CLUAP1: variants seen among roughly 807,000 people sequenced by gnomAD.
CLUAP1 encodes clusterin-associated protein 1.
CLUAP1 carries 50 observed loss-of-function variants against 55.0 expected under a neutral mutation model. That is an observed-to-expected ratio of 0.91 (90% CI 0.72 to 1.15). CLUAP1 has a LOEUF of 1.15. Among genes scored for constraint, CLUAP1 ranks in the 50% most tolerant of loss-of-function variants. The pLI is 0.00. For synonymous variants in CLUAP1, 195 were observed against 175.4 expected, an observed-to-expected ratio of 1.11 and a Z score of -0.88; for missense variants, 530 against 507.6, an observed-to-expected ratio of 1.04 and a Z score of -0.42.
intron 11 of CLUAP1, chr16:3,534,027 C>CA: frequency 6.6e-6 from 1 of 152,272 alleles, no homozygotes; most frequent in Non-Finnish European, 1.5e-5. Context: ...CCTCCAGGCA[C>CA]AGGGTTCCAT....
At chr16:3,518,134 T>G (rs922025697) in intron 6 of CLUAP1, among the ~76,000 whole-genome samples, 14 of 152,326 alleles carry the variant, frequency 9.2e-5, no homozygotes, top group Non-Finnish European at 1.9e-4. Context: ...GGTCAGCAAC[T>G]TACTGTCACC....
Position 3,529,770 on chromosome 16 carries a change from T to TAA in CLUAP1, c.929-798_929-797insAA, listed in dbSNP as rs2038064849. On this transcript the variant is annotated intron_variant, in intron 9 of 11. Coordinates refer to ENST00000576634, the MANE Select transcript of CLUAP1 (RefSeq NM_015041.3). ...TATATATTATATAATATATATTATA[T>TAA]TATTATATATTATATAATATATATT... Among the ~76,000 whole-genome samples the TAA allele has an allele frequency of 2.1e-4, 11 of 53,522 alleles. 1 individual carries two copies. The highest frequency in any genetic ancestry group is 9.6e-4 in the African/African-American group (11 of 11,440). The allele number at this position is 53,522 out of a possible 152,430, so 35.1% of individuals were successfully genotyped here.
upstream of CLUAP1, among the ~76,000 whole-genome samples, chr16:3,499,976 A>T (rs550164745): frequency 6.6e-6 from 1 of 152,318 alleles, no homozygotes; most frequent in East Asian, 1.9e-4. Flanking sequence ...CTTTAACCCA[A>T]AGAAATGCAT....
In CLUAP1 at chr16:3,526,444, C is replaced by T; in HGVS notation, c.888C>T (p.Asn296=). 2 of 1,608,996 alleles carry T rather than the reference C, an allele frequency of 1.2e-6. No homozygotes were observed. Among genetic ancestry groups the T allele is most frequent in the East Asian group, 2.2e-5 (1 of 44,678 alleles). Residue 296 remains asparagine, a synonymous_variant, in exon 9 of 12, where the codon AAC becomes AAT. Coordinates refer to ENST00000576634, the MANE Select transcript of CLUAP1 (RefSeq NM_015041.3). ...EAKNTLCLIQ[N]KLKEEEKRLL... Reference sequence around the variant, plus strand: ...AAAACACTCTCTGCCTGATACAGAACAAGCTCAAGGAGGAAGAGAAGCGCC... The same window carrying T: ...AAAACACTCTCTGCCTGATACAGAATAAGCTCAAGGAGGAAGAGAAGCGCC...
chr16:3,499,866 C>A (rs373278205), upstream of CLUAP1, among the ~76,000 whole-genome samples: 1 of 152,302 alleles, frequency 6.6e-6, no homozygotes, highest in Non-Finnish European at 1.5e-5. Context: ...GTAATCAATG[C>A]GAACTTAGAG....
rs78116047 is a variant in CLUAP1 at position 3,502,527 on chromosome 16, C to T, written c.22+1438C>T. On this transcript the variant is annotated intron_variant, in intron 1 of 11. Transcript: ENST00000576634. ...GGTCTCTTAAAGCCAGTTTTCTCGT[C>T]CAATTGTTGGTGCCTGAAATTTTAG... Among the ~76,000 whole-genome samples, 1,161 of 151,730 alleles carry T rather than the reference C, an allele frequency of 7.7e-3. 53 individuals are homozygous for T. The East Asian group carries it at 0.11, about 15-fold the overall frequency.
At chr16:3,528,146 C>G (rs1229999522) in intron 9 of CLUAP1, among the ~76,000 whole-genome samples, 5 of 152,196 alleles carry the variant, frequency 3.3e-5, no homozygotes, top group Non-Finnish European at 5.9e-5. Context: ...CTGTCAGGGA[C>G]CGGTAGCAGC....
intron 8 of CLUAP1, 68 bp downstream of exon 8, chr16:3,523,367 A>C: frequency 3.4e-6 from 5 of 1,487,584 alleles, no homozygotes; most frequent in Non-Finnish European, 3.6e-6. Flanking sequence ...GTGACAGGTC[A>C]TTTTGTTAAT....
chr16:3,510,944 G>A (rs1166633683), intron 4 of CLUAP1, among the ~76,000 whole-genome samples: 1 of 152,188 alleles, frequency 6.6e-6, no homozygotes, highest in South Asian at 2.1e-4. Flanking sequence ...GGGAGCTGGG[G>A]AGCAATCAGC....
At chr16:3,495,540 G>C in the CLUAP1 span, 1 of 1,516,926 alleles carries the variant, frequency 6.6e-7, no homozygotes, top group South Asian at 1.3e-5. Context: ...ATGACATCAC[G>C]GGGAAGACTC....
At chr16:3,505,220 T>C (rs1255917859) in intron 2 of CLUAP1, among the ~76,000 whole-genome samples, 1 of 151,778 alleles carries the variant, frequency 6.6e-6, no homozygotes. Context: ...CCCGGGCAGA[T>C]TGAGACTGTG....
chr16:3,530,048 C>T (rs1391331046), intron 9 of CLUAP1, among the ~76,000 whole-genome samples: 2 of 148,266 alleles, frequency 1.3e-5, no homozygotes, highest in Non-Finnish European at 3.0e-5. Context: ...AGGAGCAAGC[C>T]CAAGATCAAG....
chr16:3,524,779 G>A (rs1046870750), intron 8 of CLUAP1, among the ~76,000 whole-genome samples: 1 of 152,096 alleles, frequency 6.6e-6, no homozygotes, highest in Non-Finnish European at 1.5e-5. Flanking sequence ...ATCCCTGTGG[G>A]TAAGGCCATT....
chr16:3,524,778 G>T (rs2037910290), intron 8 of CLUAP1, among the ~76,000 whole-genome samples: 1 of 152,018 alleles, frequency 6.6e-6, no homozygotes, highest in African/African-American at 2.4e-5. Flanking sequence ...CATCCCTGTG[G>T]GTAAGGCCAT....
chr16:3,519,632 A>G (rs2037795650), intron 6 of CLUAP1, among the ~76,000 whole-genome samples: 1 of 152,182 alleles, frequency 6.6e-6, no homozygotes, highest in Non-Finnish European at 1.5e-5. Context: ...CTTGACCAGG[A>G]CACTCTTCTT....
In CLUAP1 at chr16:3,503,646, G is replaced by C. The variant is rs560788334; in HGVS notation, c.23-1074G>C. On this transcript the variant is annotated intron_variant, in intron 1 of 11. Coordinates refer to ENST00000576634, the MANE Select transcript of CLUAP1 (RefSeq NM_015041.3). ...GGGTCTCACTCTGTCACCCAGGCTG[G>C]AGTGCAGTCACATGATCTGAGCTTA... 2.6e-5 allele frequency among the ~76,000 whole-genome samples: 4 copies of C among 152,198 alleles called. No individual in the cohort carries two copies. In the East Asian group the frequency reaches 5.8e-4, roughly 22 times the overall value.
At chr16:3,508,981 G>A (rs905619489) in intron 4 of CLUAP1, among the ~76,000 whole-genome samples, 1 of 152,032 alleles carries the variant, frequency 6.6e-6, no homozygotes, top group East Asian at 1.9e-4. Context: ...TTTGGGCTGG[G>A]TGCAGTGACT....
upstream of CLUAP1, among the ~76,000 whole-genome samples, chr16:3,499,238 C>T (rs903915334): frequency 1.3e-5 from 2 of 152,162 alleles, no homozygotes; most frequent in African/African-American, 2.4e-5. Flanking sequence ...CCAGCTCCTC[C>T]GGAGGCTGAG....
At chr16:3,530,756 A>G in intron 10 of CLUAP1, 81 bp downstream of exon 10, 1 of 1,056,980 alleles carries the variant, frequency 9.5e-7, no homozygotes, top group East Asian at 2.5e-5. Context: ...CAGGCTGCTT[A>G]GTATTGAGGC....
Sources: gnomAD v4.1 joint callset for allele counts (sites outside exome capture counted in the v4.1 genomes callset) on GRCh38, gnomAD v4.1.1 for gene constraint, MANE v1.5 for transcripts, NCBI Gene and HGNC (gene_info 2026-07-23, HGNC 2026-07-21) for gene names.